GALNTL6: variants seen among roughly 807,000 people sequenced by gnomAD.
GALNTL6 encodes polypeptide N-acetylgalactosaminyltransferase-like 6.
Under a neutral mutation model 73.7 loss-of-function variants are expected in GALNTL6, and 46 were observed. That is an observed-to-expected ratio of 0.62 (90% CI 0.49 to 0.80). GALNTL6 has a LOEUF of 0.80. GALNTL6 is among the 30% of genes least tolerant of loss of function. The probability of loss-of-function intolerance (pLI) is 0.00; values close to 1 mark genes in which losing one functional copy is unlikely to be tolerated. For missense variants in GALNTL6, 604 were observed against 755.0 expected (o/e 0.80, Z 2.34); for synonymous variants, 259 against 263.7 (o/e 0.98, Z 0.17).
intron 2 of GALNTL6, among the ~76,000 whole-genome samples, chr4:171,919,402 C>T (rs1737717305): frequency 1.3e-5 from 2 of 152,066 alleles, no homozygotes; most frequent in Non-Finnish European, 1.5e-5. Context: ...ATGATCTCAA[C>T]TTTCATTATG....
chr4:172,165,662 G>C (rs542170291), intron 2 of GALNTL6, among the ~76,000 whole-genome samples: 62 of 152,014 alleles, frequency 4.1e-4, no homozygotes, highest in African/African-American at 1.5e-3. Flanking sequence ...GTATATCAAG[G>C]GTATTAATTG....
At chr4:172,490,676 T>G (rs1254677375) in intron 5 of GALNTL6, among the ~76,000 whole-genome samples, 1 of 152,136 alleles carries the variant, frequency 6.6e-6, no homozygotes, top group Non-Finnish European at 1.5e-5. Flanking sequence ...ATTGTCTCAT[T>G]TTAACAACAA....
chr4:172,563,073 A>G (rs1736433750), intron 5 of GALNTL6, among the ~76,000 whole-genome samples: 1 of 152,184 alleles, frequency 6.6e-6, no homozygotes. Context: ...CCGTGATCCT[A>G]CCTGAATTAG....
At chr4:172,298,036 G>A (rs893687694) in intron 3 of GALNTL6, among the ~76,000 whole-genome samples, 24 of 152,144 alleles carry the variant, frequency 1.6e-4, no homozygotes, top group African/African-American at 5.5e-4. Flanking sequence ...ATTGAGCAGT[G>A]GGTTTGTAGT....
At chr4:172,116,198 G>A (rs1002039899) in intron 2 of GALNTL6, among the ~76,000 whole-genome samples, 2 of 151,786 alleles carry the variant, frequency 1.3e-5, no homozygotes, top group Non-Finnish European at 2.9e-5. Flanking sequence ...GAATTTTTAG[G>A]TAAAAAAATG....
At chr4:171,853,154 C>T (rs746771865) in intron 2 of GALNTL6, among the ~76,000 whole-genome samples, 36 of 151,934 alleles carry the variant, frequency 2.4e-4, no homozygotes, top group African/African-American at 7.2e-4. Flanking sequence ...TGAGCCACCG[C>T]GCCCAGCCAG....
chr4:172,109,813 A>G (rs1469504824), intron 2 of GALNTL6, among the ~76,000 whole-genome samples: 1 of 152,224 alleles, frequency 6.6e-6, no homozygotes, highest in Non-Finnish European at 1.5e-5. Context: ...TCTTAGGGAC[A>G]TGATGGATCT....
intron 2 of GALNTL6, among the ~76,000 whole-genome samples, chr4:171,988,360 G>A (rs917273475): frequency 2.6e-5 from 4 of 152,180 alleles, no homozygotes; most frequent in African/African-American, 9.7e-5. Context: ...GATGAAATTT[G>A]GGCTTGACTG....
chr4:172,667,867 T>C (rs1309605740), intron 5 of GALNTL6: 1 of 152,228 alleles, frequency 6.6e-6, no homozygotes, highest in Non-Finnish European at 1.5e-5. Flanking sequence ...GGATTTTATA[T>C]GGAAAGCACT....
chr4:172,230,203 A>G (rs1023868544), intron 3 of GALNTL6, among the ~76,000 whole-genome samples: 4 of 152,254 alleles, frequency 2.6e-5, no homozygotes, highest in East Asian at 3.9e-4. Flanking sequence ...CAGGTCAAGC[A>G]GCTGGGGTTC....
At chr4:172,773,788 A>T (rs892006203) in intron 5 of GALNTL6, among the ~76,000 whole-genome samples, 1 of 152,244 alleles carries the variant, frequency 6.6e-6, no homozygotes, top group Admixed American at 6.5e-5. Flanking sequence ...AATCTATTTG[A>T]AACAATGTAG....
intron 2 of GALNTL6, among the ~76,000 whole-genome samples, chr4:171,977,234 T>A (rs987861973): frequency 9.2e-5 from 14 of 152,202 alleles, no homozygotes; most frequent in Non-Finnish European, 1.8e-4. Flanking sequence ...AACCATTTAT[T>A]ATCCAAAAAT....
intron 4 of GALNTL6, among the ~76,000 whole-genome samples, chr4:172,347,092 C>T (rs1169682252): frequency 6.7e-6 from 1 of 148,604 alleles, no homozygotes; most frequent in Non-Finnish European, 1.5e-5. Context: ...TGGGTTCAAG[C>T]GATTCTTTTG....
chr4:172,818,602 T>C (rs1297407281), intron 7 of GALNTL6, among the ~76,000 whole-genome samples: 2 of 152,138 alleles, frequency 1.3e-5, no homozygotes, highest in East Asian at 3.8e-4. Flanking sequence ...CAGGCTAAAA[T>C]CATCCTTTTT....
chr4:172,857,023 C>T (rs1365529082), intron 7 of GALNTL6, among the ~76,000 whole-genome samples: 1 of 152,234 alleles, frequency 6.6e-6, no homozygotes, highest in Non-Finnish European at 1.5e-5. Context: ...CTATTTGCCA[C>T]TGTTTCACAA....
intron 10 of GALNTL6, among the ~76,000 whole-genome samples, chr4:172,956,165 G>A (rs1320980068): frequency 6.6e-6 from 1 of 152,168 alleles, no homozygotes; most frequent in Non-Finnish European, 1.5e-5. Flanking sequence ...AATGCGCGAT[G>A]TTTCTCAGGG....
chr4:172,816,568 A>C (rs1459281267), intron 7 of GALNTL6, among the ~76,000 whole-genome samples: 2 of 152,198 alleles, frequency 1.3e-5, no homozygotes, highest in African/African-American at 4.8e-5. Context: ...GTATTTCTTC[A>C]CATAGACTAC....
chr4:171,987,000 G>A (rs192633464), intron 2 of GALNTL6, among the ~76,000 whole-genome samples: 13 of 150,360 alleles, frequency 8.6e-5, no homozygotes, highest in African/African-American at 1.5e-4. Context: ...ACGGTGAATA[G>A]GCGTATGACT....
intron 2 of GALNTL6, among the ~76,000 whole-genome samples, chr4:172,032,671 A>G (rs1741804977): frequency 6.6e-6 from 1 of 152,092 alleles, no homozygotes; most frequent in Non-Finnish European, 1.5e-5. Context: ...GCTTGCATGT[A>G]TCAGATTATT....
Sources: gnomAD v4.1 joint callset for allele counts (sites outside exome capture counted in the v4.1 genomes callset) on GRCh38, gnomAD v4.1.1 for gene constraint, MANE v1.5 for transcripts, NCBI Gene and HGNC (gene_info 2026-07-23, HGNC 2026-07-21) for gene names.